The following CDK5R1 variants were observed in gnomAD, a reference collection of about 807,000 sequenced individuals.
CDK5R1 encodes cyclin dependent kinase 5 regulatory subunit 1.
In CDK5R1, 1 loss-of-function variant was observed where a neutral mutation model predicts 19.0. That is an observed-to-expected ratio of 0.05 (90% confidence interval 0.02 to 0.25). CDK5R1 has a LOEUF of 0.25. Ranked by LOEUF, CDK5R1 falls within the 10% of genes least tolerant of loss-of-function variation. CDK5R1 has a pLI of 1.00. For missense variants in CDK5R1, 314 were observed against 401.0 expected (o/e 0.78, Z 1.85); for synonymous variants, 225 against 187.7 (o/e 1.20, Z -1.62).
In CDK5R1 at chr17:32,487,524, T is replaced by C. The variant is rs1908714153; in HGVS notation, c.-97T>C. On this transcript the variant is annotated 5_prime_UTR_variant, in exon 2 of 2. Transcript: ENST00000313401. The surrounding 1 kb of genome is among the most constrained non-coding windows in gnomAD (Gnocchi z 7.9). ...TTCCCGGGAGCGCCCCCGCCTCCTC[T>C]CCGGGGCCGCCGCAGGCTCGGTGAG... 4.1e-6 allele frequency: 4 copies of C among 975,934 alleles called. No individual in the cohort carries two copies. In the African/African-American group the frequency reaches 5.0e-5, roughly 12 times the overall value. 60.5% of individuals were successfully genotyped at this position (975,934 alleles called of 1,614,324 possible).
rs769930224 is a variant in CDK5R1, at chr17:32,487,605, G to A, written c.-16G>A. ...CGCGCAGGGGCGCGAGCCCCCGCCC[G>A]GCGCGCAGCAGCACCATGGGCACGG... On this transcript the variant is annotated 5_prime_UTR_variant, in exon 2 of 2. Transcript: ENST00000313401. This position sits in a 1 kb window ranked among gnomAD's most constrained non-coding sequence, Gnocchi z 7.9. 2 of 1,602,404 alleles carry A rather than the reference G, an allele frequency of 1.2e-6. No homozygotes were observed. Among genetic ancestry groups the A allele is most frequent in the East Asian group, 2.2e-5 (1 of 44,630 alleles).
Position 32,487,532 on chromosome 17 carries a change from C to A in CDK5R1, c.-89C>A. Reference sequence around the variant, plus strand: ...AGCGCCCCCGCCTCCTCTCCGGGGCCGCCGCAGGCTCGGTGAGCGGTTTTA... The same window carrying A: ...AGCGCCCCCGCCTCCTCTCCGGGGCAGCCGCAGGCTCGGTGAGCGGTTTTA... On this transcript the variant is annotated 5_prime_UTR_variant, in exon 2 of 2. Transcript: ENST00000313401. The surrounding 1 kb of genome is among the most constrained non-coding windows in gnomAD (Gnocchi z 7.9). 2 of 1,062,996 alleles carry A rather than the reference C, an allele frequency of 1.9e-6. No homozygotes were observed. The highest frequency in any genetic ancestry group is 1.6e-5 in the South Asian group (1 of 63,548). The allele number at this position is 1,062,996 out of a possible 1,614,324, so 65.8% of individuals were successfully genotyped here. A position where few individuals can be genotyped will look rare whatever the true frequency, so the allele number is the denominator to read the frequency against.
chr17:32,487,541 C>T lies in CDK5R1; in HGVS notation c.-80C>T, dbSNP rs377437873. On this transcript the variant is annotated 5_prime_UTR_variant, in exon 2 of 2. Transcript: ENST00000313401. The surrounding 1 kb of genome is among the most constrained non-coding windows in gnomAD (Gnocchi z 7.9). Reference sequence around the variant, plus strand: ...GCCTCCTCTCCGGGGCCGCCGCAGGCTCGGTGAGCGGTTTTATCCCTCCGG... The same window carrying T: ...GCCTCCTCTCCGGGGCCGCCGCAGGTTCGGTGAGCGGTTTTATCCCTCCGG... The T allele has an allele frequency of 8.4e-7, 1 of 1,189,722 alleles. No homozygotes were observed. Among genetic ancestry groups the T allele is most frequent in the Non-Finnish European group, 1.2e-6 (1 of 855,242 alleles). The allele number at this position is 1,189,722 out of a possible 1,614,324, so 73.7% of individuals were successfully genotyped here. A position where few individuals can be genotyped will look rare whatever the true frequency, so the allele number is the denominator to read the frequency against.
rs1239138569 is a variant in CDK5R1 at position 32,489,250 on chromosome 17, T to C, written c.*706T>C. The C allele has an allele frequency of 8.5e-6, 4 of 471,012 alleles. No individual in the cohort carries two copies. Among genetic ancestry groups the C allele is most frequent in the South Asian group, 1.5e-5 (1 of 64,576 alleles). The allele number at this position is 471,012 out of a possible 1,614,324, so 29.2% of individuals were successfully genotyped here. On this transcript the variant is annotated 3_prime_UTR_variant, in exon 2 of 2. Transcript: ENST00000313401. Reference sequence around the variant, plus strand: ...TTGGCCGATGAGCTGGTTTGACTCATTAATTTCTCTCAATTTGGGTCCCAG... The same window carrying C: ...TTGGCCGATGAGCTGGTTTGACTCACTAATTTCTCTCAATTTGGGTCCCAG...
At position 32,487,473 on chromosome 17, in the gene CDK5R1, C is replaced by G; in HGVS notation, c.-145-3C>G. On this transcript the variant is annotated splice_polypyrimidine_tract_variant and splice_region_variant and intron_variant, in intron 1 of 1. Coordinates refer to ENST00000313401, the MANE Select transcript of CDK5R1 (RefSeq NM_003885.3). The surrounding 1 kb of genome is among the most constrained non-coding windows in gnomAD (Gnocchi z 7.9). ...TGGCGCTAAGAACCATCTTGTTTTC[C>G]AGGCAGATCCAAGGGGGCAGCACGC... 1.7e-6 allele frequency: 1 copy of G among 589,698 alleles called. No individual in the cohort carries two copies. The allele number at this position is 589,698 out of a possible 1,614,324, so 36.5% of individuals were successfully genotyped here.
In CDK5R1 at chr17:32,487,357, G is replaced by A. The variant is rs1908704834; in HGVS notation, c.-145-119G>A. 2 of 165,734 alleles carry A rather than the reference G, an allele frequency of 1.2e-5. No homozygotes were observed. Among genetic ancestry groups the A allele is most frequent in the Admixed American group, 6.5e-5 (1 of 15,410 alleles). 10.3% of individuals were successfully genotyped at this position (165,734 alleles called of 1,614,324 possible). ...GGCGGCGAGGCTGCGTCGCGGGGGC[G>A]CGGGTAGGGCCCGGGACTGGGGCGG... is the stretch of plus-strand genomic sequence containing the variant. On this transcript the variant is annotated intron_variant, in intron 1 of 1. Coordinates refer to ENST00000313401, the MANE Select transcript of CDK5R1 (RefSeq NM_003885.3). The surrounding 1 kb of genome is among the most constrained non-coding windows in gnomAD (Gnocchi z 7.9).
rs1908711371 is a variant in CDK5R1 at position 32,487,467 on chromosome 17, G to C, written c.-145-9G>C. 1 of 577,916 alleles carries C rather than the reference G, an allele frequency of 1.7e-6. No individual in the cohort carries two copies. Among genetic ancestry groups the C allele is most frequent in the Non-Finnish European group, 3.0e-6 (1 of 335,962 alleles). The allele number at this position is 577,916 out of a possible 1,614,324, so 35.8% of individuals were successfully genotyped here. ...CCAGCCTGGCGCTAAGAACCATCTTGTTTTCCAGGCAGATCCAAGGGGGCA... is the reference window on the plus strand; with the variant it reads ...CCAGCCTGGCGCTAAGAACCATCTTCTTTTCCAGGCAGATCCAAGGGGGCA... On this transcript the variant is annotated splice_polypyrimidine_tract_variant and intron_variant, in intron 1 of 1. Coordinates refer to ENST00000313401, the MANE Select transcript of CDK5R1 (RefSeq NM_003885.3). The surrounding 1 kb of genome is among the most constrained non-coding windows in gnomAD (Gnocchi z 7.9).
Position 32,489,181 on chromosome 17 carries a change from C to T in CDK5R1, c.*637C>T, listed in dbSNP as rs1044180217. On this transcript the variant is annotated 3_prime_UTR_variant, in exon 2 of 2. Coordinates refer to ENST00000313401, the MANE Select transcript of CDK5R1 (RefSeq NM_003885.3). ...TTCTTTAGTGGAGAAATGGAACTCG[C>T]CCCCCTACCCCCTTGTCTGCTGCTC... 2.1e-6 allele frequency: 1 copy of T among 471,124 alleles called. No individual in the cohort carries two copies. Among genetic ancestry groups the T allele is most frequent in the Non-Finnish European group, 4.4e-6 (1 of 227,032 alleles). The allele number at this position is 471,124 out of a possible 1,614,324, so 29.2% of individuals were successfully genotyped here. A position where few individuals can be genotyped will look rare whatever the true frequency, so the allele number is the denominator to read the frequency against.
Position 32,488,703 on chromosome 17 carries a change from G to T in CDK5R1, c.*159G>T. 7.3e-7 allele frequency: 1 copy of T among 1,372,616 alleles called. No homozygotes were observed. Among genetic ancestry groups the T allele is most frequent in the Non-Finnish European group, 1.0e-6 (1 of 994,640 alleles). 85.0% of individuals were successfully genotyped at this position (1,372,616 alleles called of 1,614,324 possible). ...TTTTTTCATCCCTGCCAAGAACTCT[G>T]GGCACTTTTGAACTCACGAGCCTTG... On this transcript the variant is annotated 3_prime_UTR_variant, in exon 2 of 2. Coordinates refer to ENST00000313401, the MANE Select transcript of CDK5R1 (RefSeq NM_003885.3).
chr17:32,487,671 T>G lies in CDK5R1; in HGVS notation c.51T>G (p.Phe17Leu), dbSNP rs1335388287. The change falls in exon 2 of 2, where the codon TTT (phenylalanine) becomes TTG (leucine). Residue 17 changes from phenylalanine to leucine, a missense_variant. Phe to Leu is a conservative substitution (Grantham distance 22). Coordinates refer to ENST00000313401, the MANE Select transcript of CDK5R1 (RefSeq NM_003885.3). This position sits in a 1 kb window ranked among gnomAD's most constrained non-coding sequence, Gnocchi z 7.9. Reference protein sequence around the residue: ...LSPSYRKATLFEDGAATVGHY... With the variant: ...LSPSYRKATLLEDGAATVGHY... ...CCAGCTACCGGAAGGCCACGCTGTT[T>G]GAGGATGGCGCGGCCACCGTGGGCC... 6.2e-7 allele frequency: 1 copy of G among 1,613,558 alleles called. No individual in the cohort carries two copies. Among genetic ancestry groups the G allele is most frequent in the African/African-American group, 1.3e-5 (1 of 74,902 alleles).
chr17:32,488,249 A>G lies in CDK5R1; in HGVS notation c.629A>G (p.Asp210Gly). The change falls in exon 2 of 2, where the codon GAT (aspartate) becomes GGT (glycine). Residue 210 changes from aspartate to glycine, a missense_variant. Coordinates refer to ENST00000313401, the MANE Select transcript of CDK5R1 (RefSeq NM_003885.3). ...GTCTTCCTCTACATGCTCTGCAGGGATGTTATCTCCTCCGAGGTGGGCTCG... is the reference window on the plus strand; with the variant it reads ...GTCTTCCTCTACATGCTCTGCAGGGGTGTTATCTCCTCCGAGGTGGGCTCG... ...NVVFLYMLCRDVISSEVGSDH... is the reference protein window; with the variant it reads ...NVVFLYMLCRGVISSEVGSDH... The G allele has an allele frequency of 6.2e-7, 1 of 1,613,962 alleles. No homozygotes were observed. Among genetic ancestry groups the G allele is most frequent in the Non-Finnish European group, 8.5e-7 (1 of 1,180,022 alleles).
chr17:32,487,645 C>G lies in CDK5R1; in HGVS notation c.25C>G (p.Pro9Ala). MGTVLSLS[P>A]SYRKATLFED... ...CATGGGCACGGTGCTGTCCCTGTCTCCCAGCTACCGGAAGGCCACGCTGTT... is the reference window on the plus strand; with the variant it reads ...CATGGGCACGGTGCTGTCCCTGTCTGCCAGCTACCGGAAGGCCACGCTGTT... The change falls in exon 2 of 2, where the codon CCC (proline) becomes GCC (alanine). Residue 9 changes from proline to alanine, a missense_variant. Pro to Ala is a conservative substitution (Grantham distance 27, BLOSUM62 -1). Transcript: ENST00000313401. The surrounding 1 kb of genome is among the most constrained non-coding windows in gnomAD (Gnocchi z 7.9). 1 of 1,613,394 alleles carries G rather than the reference C, an allele frequency of 6.2e-7. No individual in the cohort carries two copies. The highest frequency in any genetic ancestry group is 8.5e-7 in the Non-Finnish European group (1 of 1,179,924).
rs749382318 is a variant in CDK5R1 at position 32,487,577 on chromosome 17, GGGCGCGCAGGGGCGCGAGCCCCCGCCC to G, written c.-34_-8del. On this transcript the variant is annotated 5_prime_UTR_variant, in exon 2 of 2. Coordinates refer to ENST00000313401, the MANE Select transcript of CDK5R1 (RefSeq NM_003885.3). The surrounding 1 kb of genome is among the most constrained non-coding windows in gnomAD (Gnocchi z 7.9). Reference sequence around the variant, plus strand: ...GTTTTATCCCTCCGGCCGGCAGGCTGGGCGCGCAGGGGCGCGAGCCCCCGCCCGGCGCGCAGCAGCACCATGGGCACG... The same window carrying G: ...GTTTTATCCCTCCGGCCGGCAGGCTGGGCGCGCAGCAGCACCATGGGCACG... 1.9e-5 allele frequency: 29 copies of G among 1,531,322 alleles called. No homozygotes were observed. The highest frequency in any genetic ancestry group is 6.9e-5 in the South Asian group (6 of 86,496). 94.9% of individuals were successfully genotyped at this position (1,531,322 alleles called of 1,614,324 possible).
rs903073889 is a variant in CDK5R1, at chr17:32,488,523, C to T, written c.903C>T (p.Leu301=). The change falls in exon 2 of 2, where the codon CTC becomes CTT. Residue 301 remains leucine (L), a synonymous_variant. Transcript: ENST00000313401. ...GCGGCCAGGAGGACAAGAAGCGGCTCCTCCTAGGCCTGGATCGGTGAGCAC... is the reference window on the plus strand; with the variant it reads ...GCGGCCAGGAGGACAAGAAGCGGCTTCTCCTAGGCCTGGATCGGTGAGCAC... ...NESGQEDKKR[L]LLGLDR is the part of the protein sequence containing the mutation. 2.5e-6 allele frequency: 4 copies of T among 1,614,058 alleles called. No individual in the cohort carries two copies. Among genetic ancestry groups the T allele is most frequent in the African/African-American group, 2.7e-5 (2 of 74,922 alleles).
chr17:32,490,611 A>T lies in CDK5R1; in HGVS notation c.*2067A>T, dbSNP rs1156620264. 6.0e-6 allele frequency: 1 copy of T among 167,050 alleles called. No individual in the cohort carries two copies. The highest frequency in any genetic ancestry group is 1.5e-5 in the Non-Finnish European group (1 of 68,120). 10.3% of individuals were successfully genotyped at this position (167,050 alleles called of 1,614,324 possible). A position where few individuals can be genotyped will look rare whatever the true frequency, so the allele number is the denominator to read the frequency against. ...TGTAAAGGAACAACTGATATACTTG[A>T]GTGTGCAAGCAAAGAACCCATTTGC... On this transcript the variant is annotated 3_prime_UTR_variant, in exon 2 of 2. Transcript: ENST00000313401.
chr17:32,489,262 A>G lies in CDK5R1; in HGVS notation c.*718A>G. On this transcript the variant is annotated 3_prime_UTR_variant, in exon 2 of 2. Transcript: ENST00000313401. Reference sequence around the variant, plus strand: ...CTGGTTTGACTCATTAATTTCTCTCAATTTGGGTCCCAGCTAAAGAGGTGG... The same window carrying G: ...CTGGTTTGACTCATTAATTTCTCTCGATTTGGGTCCCAGCTAAAGAGGTGG... 2.1e-6 allele frequency: 1 copy of G among 470,960 alleles called. No individual in the cohort carries two copies. Among genetic ancestry groups the G allele is most frequent in the Non-Finnish European group, 4.4e-6 (1 of 227,032 alleles). 29.2% of individuals were successfully genotyped at this position (470,960 alleles called of 1,614,324 possible).
Position 32,487,480 on chromosome 17 carries a change from A to C in CDK5R1, c.-141A>C. On this transcript the variant is annotated 5_prime_UTR_variant, in exon 2 of 2. Coordinates refer to ENST00000313401, the MANE Select transcript of CDK5R1 (RefSeq NM_003885.3). This position sits in a 1 kb window ranked among gnomAD's most constrained non-coding sequence, Gnocchi z 7.9. ...AAGAACCATCTTGTTTTCCAGGCAG[A>C]TCCAAGGGGGCAGCACGCTTCCCGG... 1 of 612,328 alleles carries C rather than the reference A, an allele frequency of 1.6e-6. No individual in the cohort carries two copies. Among genetic ancestry groups the C allele is most frequent in the South Asian group, 2.0e-5 (1 of 49,830 alleles). The allele number at this position is 612,328 out of a possible 1,614,324, so 37.9% of individuals were successfully genotyped here. A position where few individuals can be genotyped will look rare whatever the true frequency, so the allele number is the denominator to read the frequency against.
Position 32,488,840 on chromosome 17 carries a change from A to G in CDK5R1, c.*296A>G. 1 of 454,034 alleles carries G rather than the reference A, an allele frequency of 2.2e-6. No homozygotes were observed. The highest frequency in any genetic ancestry group is 4.2e-6 in the Non-Finnish European group (1 of 239,938). 28.1% of individuals were successfully genotyped at this position (454,034 alleles called of 1,614,324 possible). ...CCTGTGCCCTTGCTGGGTCCAGGGTAGGCAAGGCTGCCGGCTGCACCCTGT... is the reference window on the plus strand; with the variant it reads ...CCTGTGCCCTTGCTGGGTCCAGGGTGGGCAAGGCTGCCGGCTGCACCCTGT... On this transcript the variant is annotated 3_prime_UTR_variant, in exon 2 of 2. Coordinates refer to ENST00000313401, the MANE Select transcript of CDK5R1 (RefSeq NM_003885.3).
rs9333302 is a variant in CDK5R1, at chr17:32,487,896, C to T, written c.276C>T (p.Cys92=). ...AGAACCTGAAGAAGTCGCTGTCGTG[C>T]GCCAACCTGTCCACATTCGCCCAGC... The part of the protein sequence containing the change: ...NNENLKKSLS[C]ANLSTFAQPP... The change falls in exon 2 of 2, where the codon TGC becomes TGT. Residue 92 remains cysteine, a synonymous_variant. Transcript: ENST00000313401. This position sits in a 1 kb window ranked among gnomAD's most constrained non-coding sequence, Gnocchi z 7.9. 7.1e-4 allele frequency: 1,142 copies of T among 1,613,756 alleles called. 10 individuals carry two copies. The South Asian group carries it at 0.011, about 16-fold the overall frequency.
Sources: gnomAD v4.1 joint callset for allele counts on GRCh38, gnomAD v4.1.1 for gene constraint, Gnocchi (gnomAD v3.1) non-coding constraint, MANE v1.5 for transcripts, NCBI Gene and HGNC (gene_info 2026-07-23, HGNC 2026-07-21) for gene names.